The following GALNTL6 variants were observed in gnomAD, a reference collection of about 807,000 sequenced individuals.
The protein encoded by GALNTL6 is polypeptide N-acetylgalactosaminyltransferase like 6.
GALNTL6 carries 46 observed loss-of-function variants against 73.7 expected under a neutral mutation model. The observed-to-expected ratio is 0.62, with a 90% CI of 0.49 to 0.80. The LOEUF (loss-of-function observed/expected upper bound fraction) is 0.80, where lower values mean the gene tolerates loss of function less well. Among genes scored for constraint, GALNTL6 ranks in the 30% least tolerant of loss-of-function variants. GALNTL6 has a pLI of 0.00. For missense variants in GALNTL6, 604 were observed against 755.0 expected, an observed-to-expected ratio of 0.80 and a Z score of 2.34; for synonymous variants, 259 against 263.7, an observed-to-expected ratio of 0.98 and a Z score of 0.17.
chr4:172,418,145 G>C (rs1006652972), intron 5 of GALNTL6, among the ~76,000 whole-genome samples: 1 of 152,078 alleles, frequency 6.6e-6, no homozygotes, highest in African/African-American at 2.4e-5. Context: ...TGCCAAATTG[G>C]GGTAGGTGAT....
At chr4:172,307,666 A>G (rs1740191388) in intron 3 of GALNTL6, among the ~76,000 whole-genome samples, 2 of 152,082 alleles carry the variant, frequency 1.3e-5, no homozygotes, top group African/African-American at 4.8e-5. Context: ...AGTTGGCTGT[A>G]AGTATTTGCC....
intron 7 of GALNTL6, among the ~76,000 whole-genome samples, chr4:172,817,390 C>T (rs1369423670): frequency 6.6e-6 from 1 of 151,598 alleles, no homozygotes; most frequent in Non-Finnish European, 1.5e-5. Flanking sequence ...ATGATCACAC[C>T]ACTGCATTCA....
At chr4:172,468,352 A>G (rs1285417147) in intron 5 of GALNTL6, among the ~76,000 whole-genome samples, 1 of 152,222 alleles carries the variant, frequency 6.6e-6, no homozygotes, top group African/African-American at 2.4e-5. Context: ...ATGCAGAGAC[A>G]TCTGATGGAG....
rs1370018816 is a variant in GALNTL6 at position 171,942,241 on chromosome 4, G to GATATAAATAA, written c.138+127526_138+127527insTAAATAAATA. Among the ~76,000 whole-genome samples the GATATAAATAA allele has an allele frequency of 1.7e-4, 5 of 30,154 alleles. No individual in the cohort carries two copies. In the Admixed American group the frequency reaches 1.9e-3, roughly 11 times the overall value. 19.8% of individuals were successfully genotyped at this position (30,154 alleles called of 152,430 possible). A position where few individuals can be genotyped will look rare whatever the true frequency, so the allele number is the denominator to read the frequency against. On this transcript the variant is annotated intron_variant, in intron 2 of 12. Transcript: ENST00000506823. Reference sequence around the variant, plus strand: ...CCCGGTCTCCAATAAAAAATAAATAGATAAATAAATAAATAAATAAATAAA... The same window carrying GATATAAATAA: ...CCCGGTCTCCAATAAAAAATAAATAGATATAAATAAATAAATAAATAAATAAATAAATAAA...
At chr4:172,376,567 A>G (rs905986440) in intron 5 of GALNTL6, among the ~76,000 whole-genome samples, 8 of 152,144 alleles carry the variant, frequency 5.3e-5, no homozygotes, top group Non-Finnish European at 1.2e-4. Context: ...CTGTGTCTTC[A>G]GTCTGGCAGC....
intron 2 of GALNTL6, among the ~76,000 whole-genome samples, chr4:171,944,773 C>T (rs141975688): frequency 6.6e-6 from 1 of 151,768 alleles, no homozygotes; most frequent in East Asian, 1.9e-4. Context: ...CCAGTTTTAA[C>T]ACTCAAAAGA....
At chr4:172,017,274 T>C (rs1741226798) in intron 2 of GALNTL6, among the ~76,000 whole-genome samples, 1 of 152,128 alleles carries the variant, frequency 6.6e-6, no homozygotes, top group Admixed American at 6.5e-5. Context: ...ACAGCCTCAC[T>C]CTTGTCCTAG....
At position 172,936,198 on chromosome 4, in the gene GALNTL6, T is replaced by G. The variant is rs575694159; in HGVS notation, c.1149+4930T>G. ...CAAAAACCACACGATTATCTCAATA[T>G]ATGCAGAAAAGGCCTTCGACAAAAT... On this transcript the variant is annotated intron_variant, in intron 9 of 12. Transcript: ENST00000506823. Among the ~76,000 whole-genome samples the G allele has an allele frequency of 1.3e-4, 20 of 152,328 alleles. No homozygotes were observed. The South Asian group carries it at 3.9e-3, about 30-fold the overall frequency.
intron 5 of GALNTL6, among the ~76,000 whole-genome samples, chr4:172,411,457 T>G (rs917849810): frequency 1.3e-5 from 2 of 152,018 alleles, no homozygotes; most frequent in Non-Finnish European, 2.9e-5. Context: ...AATGAGACAT[T>G]TATTTGTCCT....
At chr4:172,833,199 T>G (rs1742732951) in intron 7 of GALNTL6, among the ~76,000 whole-genome samples, 1 of 152,208 alleles carries the variant, frequency 6.6e-6, no homozygotes, top group South Asian at 2.1e-4. Context: ...CTAAGTATAT[T>G]GCATCCAGCT....
intron 5 of GALNTL6, among the ~76,000 whole-genome samples, chr4:172,362,639 T>A (rs954226378): frequency 6.6e-6 from 1 of 152,162 alleles, no homozygotes; most frequent in Non-Finnish European, 1.5e-5. Context: ...CTTCTCATGC[T>A]TCTGACCTGA....
chr4:172,747,260 A>G (rs954857188), intron 5 of GALNTL6, among the ~76,000 whole-genome samples: 2 of 152,154 alleles, frequency 1.3e-5, no homozygotes, highest in Non-Finnish European at 2.9e-5. Context: ...TTTGCAAATC[A>G]TATATTGGAT....
At chr4:172,846,423 C>T (rs1013808683) in intron 7 of GALNTL6, among the ~76,000 whole-genome samples, 56 of 152,252 alleles carry the variant, frequency 3.7e-4, no homozygotes, top group African/African-American at 1.2e-3. Context: ...CGTTATCTGT[C>T]TTCTGTGTAC....
At chr4:172,978,242 T>C (rs981576246) in intron 10 of GALNTL6, among the ~76,000 whole-genome samples, 2 of 152,184 alleles carry the variant, frequency 1.3e-5, no homozygotes, top group African/African-American at 4.8e-5. Flanking sequence ...ACTTTGACTA[T>C]GATGTGAATG....
chr4:171,971,420 A>G (rs973385833), intron 2 of GALNTL6, among the ~76,000 whole-genome samples: 9 of 152,216 alleles, frequency 5.9e-5, no homozygotes, highest in Non-Finnish European at 1.2e-4. Context: ...AGGTGTGTGA[A>G]CACAAAATAT....
At chr4:172,759,976 A>G (rs994535321) in intron 5 of GALNTL6, among the ~76,000 whole-genome samples, 11 of 150,656 alleles carry the variant, frequency 7.3e-5, no homozygotes, top group Non-Finnish European at 1.5e-4. Flanking sequence ...AGCTGGGACT[A>G]CAGGCGCCCG....
chr4:172,356,985 TTAC>T (rs539483269), intron 5 of GALNTL6, among the ~76,000 whole-genome samples: 259 of 152,278 alleles, frequency 1.7e-3, no homozygotes, highest in African/African-American at 5.9e-3. Context: ...ATCTAATTTA[TTAC>T]CCATTTTTCC....
At chr4:172,577,739 C>T (rs1383333660) in intron 5 of GALNTL6, among the ~76,000 whole-genome samples, 2 of 152,142 alleles carry the variant, frequency 1.3e-5, no homozygotes. Flanking sequence ...ATTCACAAGA[C>T]CCCATGAGAA....
At chr4:172,172,596 C>T (rs1032014879) in intron 2 of GALNTL6, among the ~76,000 whole-genome samples, 2 of 152,000 alleles carry the variant, frequency 1.3e-5, no homozygotes, top group Non-Finnish European at 2.9e-5. Flanking sequence ...ATCTAGATGC[C>T]AAGGACAGAG....
Sources: allele counts gnomAD v4.1 joint callset (sites outside exome capture counted in the v4.1 genomes callset), GRCh38; gene constraint gnomAD v4.1.1; transcripts MANE v1.5; gene names NCBI Gene and HGNC (gene_info 2026-07-23, HGNC 2026-07-21).